Variants in GPC1 observed in about 807,000 individuals in gnomAD.
GPC1 encodes glypican 1.
In GPC1, 26 loss-of-function variants were observed where a neutral mutation model predicts 51.5. The observed-to-expected ratio is 0.50, with a 90% CI of 0.37 to 0.70. The LOEUF (loss-of-function observed/expected upper bound fraction) is 0.70. Ranked by LOEUF, GPC1 falls within the 30% of genes least tolerant of loss-of-function variation. The pLI is 0.00. For synonymous variants in GPC1, 380 were observed against 348.3 expected (o/e 1.09, Z -1.01); for missense variants, 775 against 800.5 (o/e 0.97, Z 0.38).
chr2:240,452,652 C>T (rs1190224854), intron 1 of GPC1, among the ~76,000 whole-genome samples: 1 of 151,860 alleles, frequency 6.6e-6, no homozygotes, highest in South Asian at 2.1e-4. Context: ...GCCTCGGCGG[C>T]GGGCAGGAAG....
chr2:240,466,280 G>A lies in GPC1; in HGVS notation c.1667G>A (p.Arg556Gln), dbSNP rs765222282. ...LFLALTVARP[R>Q]WR ...CTGGCCCTTACAGTAGCCAGGCCCC[G>A]GTGGCGGTAACTGCCCCAAGGCCCC... The change falls in exon 9 of 9, where the codon CGG becomes CAG. Residue 556 changes from arginine (R) to glutamine (Q), a missense_variant. Coordinates refer to ENST00000264039, the MANE Select transcript of GPC1 (RefSeq NM_002081.3). 228 of 1,591,074 alleles carry A rather than the reference G, an allele frequency of 1.4e-4. 2 individuals are homozygous for A. In the Admixed American group the frequency reaches 2.0e-3, roughly 14 times the overall value.
chr2:240,436,727 G>A (rs942209865), intron 1 of GPC1, among the ~76,000 whole-genome samples: 3 of 152,254 alleles, frequency 2.0e-5, no homozygotes, highest in East Asian at 3.9e-4. Flanking sequence ...CCGCCGCCTC[G>A]TAGAGATTCC....
chr2:240,466,426 C>A lies in GPC1; in HGVS notation c.*136C>A. The A allele has an allele frequency of 1.7e-6, 1 of 600,776 alleles. No individual in the cohort carries two copies. Among genetic ancestry groups the A allele is most frequent in the Non-Finnish European group, 3.0e-6 (1 of 334,964 alleles). The allele number at this position is 600,776 out of a possible 1,614,324, so 37.2% of individuals were successfully genotyped here. ...GCCGGCGGCTCTGAGCAGGGGCAGG[C>A]GCAGAGGTCCCAGCCCCAGGCCTGG... On this transcript the variant is annotated 3_prime_UTR_variant, in exon 9 of 9. Transcript: ENST00000264039.
At chr2:240,440,417 G>A (rs1459147473) in intron 1 of GPC1, among the ~76,000 whole-genome samples, 1 of 152,224 alleles carries the variant, frequency 6.6e-6, no homozygotes, top group African/African-American at 2.4e-5. Flanking sequence ...GTAAAGCCAG[G>A]CCAGGCTGCT....
intron 1 of GPC1, among the ~76,000 whole-genome samples, chr2:240,447,727 C>T (rs1274925324): frequency 6.6e-6 from 1 of 152,202 alleles, no homozygotes; most frequent in African/African-American, 2.4e-5. Flanking sequence ...CGCTGTGTAC[C>T]CTGGCAGAAG....
chr2:240,437,367 G>A (rs2073990673), intron 1 of GPC1, among the ~76,000 whole-genome samples: 1 of 151,556 alleles, frequency 6.6e-6, no homozygotes, highest in African/African-American at 2.4e-5. Flanking sequence ...CCCCCAGCCT[G>A]AGGTTCTTGT....
intron 4 of GPC1, chr2:240,464,370 C>T (rs1420903363): frequency 1.4e-5 from 7 of 518,230 alleles, no homozygotes; most frequent in Non-Finnish European, 2.5e-5. Context: ...GCAGAATGGC[C>T]TCTGTGTATG....
Position 240,462,527 on chromosome 2 carries a change from G to A in GPC1, c.662G>A (p.Arg221His), listed in dbSNP as rs764849163. ...GCCACCCGTGCCTTCGTGGCTGCTC[G>A]CTCCTTTGTGCAGGGCCTGGGCGTG... ...LRATRAFVAA[R>H]SFVQGLGVAS... Residue 221 changes from arginine to histidine, a missense_variant, in exon 3 of 9, where the codon CGC becomes CAC. Coordinates refer to ENST00000264039, the MANE Select transcript of GPC1 (RefSeq NM_002081.3). 60 of 1,576,360 alleles carry A rather than the reference G, an allele frequency of 3.8e-5. No individual in the cohort carries two copies. In the Middle Eastern group the frequency reaches 5.3e-4, roughly 14 times the overall value.
intron 1 of GPC1, among the ~76,000 whole-genome samples, chr2:240,444,689 G>T (rs2074038548): frequency 6.6e-6 from 1 of 152,216 alleles, no homozygotes; most frequent in Non-Finnish European, 1.5e-5. Flanking sequence ...TCACAGAGCT[G>T]TGGCCTATGG....
Position 240,463,493 on chromosome 2 carries a change from C to T in GPC1, c.864C>T (p.Ala288=), listed in dbSNP as rs141356183. The T allele has an allele frequency of 1.3e-4, 206 of 1,612,920 alleles. No homozygotes were observed. Among genetic ancestry groups the T allele is most frequent in the Middle Eastern group, 1.7e-4 (1 of 6,060 alleles). Residue 288 remains alanine, a synonymous_variant, in exon 4 of 9, where the codon GCC becomes GCT. Transcript: ENST00000264039. ...TTGCCAACCAGGCCGACCTGGACGC[C>T]GAGTGGAGGAACCTCCTGGGTGAGC... The part of the protein sequence containing the change: ...GCLANQADLD[A]EWRNLLDSMV...
chr2:240,437,915 G>A (rs2073994100), intron 1 of GPC1, among the ~76,000 whole-genome samples: 2 of 152,260 alleles, frequency 1.3e-5, no homozygotes, highest in South Asian at 4.1e-4. Context: ...ATCTCCCAAG[G>A]GTGAGAAGAG....
At chr2:240,454,545 C>T (rs1013821367) in intron 1 of GPC1, among the ~76,000 whole-genome samples, 3 of 152,200 alleles carry the variant, frequency 2.0e-5, no homozygotes, top group Admixed American at 1.3e-4. Flanking sequence ...AGGGCAGGAG[C>T]GGGGAGGCCT....
chr2:240,448,616 G>T lies in GPC1; in HGVS notation c.167-10414G>T, dbSNP rs1391605441. ...CCAGGACCCGCAGGGCCCACAGGAGGTCGAGGTCGGAGCTCACCTTTGGGG... is the reference window on the plus strand; with the variant it reads ...CCAGGACCCGCAGGGCCCACAGGAGTTCGAGGTCGGAGCTCACCTTTGGGG... On this transcript the variant is annotated intron_variant, in intron 1 of 8. Transcript: ENST00000264039. The surrounding 1 kb of genome is among the most constrained non-coding windows in gnomAD (Gnocchi z 4.5). Among the ~76,000 whole-genome samples, 2 of 67,128 alleles carry T rather than the reference G, an allele frequency of 3.0e-5. No individual in the cohort carries two copies. Among genetic ancestry groups the T allele is most frequent in the Non-Finnish European group, 6.4e-5 (2 of 31,172 alleles). 44.0% of individuals were successfully genotyped at this position (67,128 alleles called of 152,430 possible).
rs138318645 is a variant in GPC1 at position 240,464,655 on chromosome 2, C to T, written c.923C>T (p.Ser308Leu). Reference protein sequence around the residue: ...VLITDKFWGTSGVESVIGSVH... With the variant: ...VLITDKFWGTLGVESVIGSVH... Reference sequence around the variant, plus strand: ...ATCACCGACAAGTTCTGGGGTACATCGGGTGTGGAGAGTGTCATCGGCAGC... The same window carrying T: ...ATCACCGACAAGTTCTGGGGTACATTGGGTGTGGAGAGTGTCATCGGCAGC... The change falls in exon 5 of 9, where the codon TCG becomes TTG. Residue 308 changes from serine (S) to leucine (L), a missense_variant. Coordinates refer to ENST00000264039, the MANE Select transcript of GPC1 (RefSeq NM_002081.3). 6.8e-5 allele frequency: 109 copies of T among 1,613,078 alleles called. No homozygotes were observed. In the African/African-American group the frequency reaches 1.0e-3, roughly 15 times the overall value.
rs1042884632 is a variant in GPC1, at chr2:240,449,023, G to A, written c.167-10007G>A. The stretch of plus-strand genomic sequence containing the variant: ...CCTTAGGGAGAAGTCTGAGACCTGG[G>A]GGGGAAGCCACCTAACCTCCGTGAG... On this transcript the variant is annotated intron_variant, in intron 1 of 8. Transcript: ENST00000264039. 5.0e-4 allele frequency among the ~76,000 whole-genome samples: 76 copies of A among 152,128 alleles called. 1 individual carries two copies. The highest frequency in any genetic ancestry group is 4.8e-3 in the Admixed American group (73 of 15,276).
In GPC1 at chr2:240,435,925, C is replaced by T. The variant is rs2073980276; in HGVS notation, c.7C>T (p.Leu3Phe). The T allele has an allele frequency of 8.0e-7, 1 of 1,257,338 alleles. No homozygotes were observed. The highest frequency in any genetic ancestry group is 1.0e-6 in the Non-Finnish European group (1 of 1,001,372). 77.9% of individuals were successfully genotyped at this position (1,257,338 alleles called of 1,614,324 possible). A position where few individuals can be genotyped will look rare whatever the true frequency, so the allele number is the denominator to read the frequency against. ME[L>F]RARGWWLLCA... The stretch of plus-strand genomic sequence containing the variant: ...GGGCGCCGCCGGCCCCGCCATGGAG[C>T]TCCGGGCCCGAGGCTGGTGGCTGCT... Residue 3 changes from leucine (L) to phenylalanine (F), a missense_variant, in exon 1 of 9, where the codon CTC (leucine) becomes TTC (phenylalanine). Physicochemically the swap from Leu to Phe is conservative, Grantham distance 22. Coordinates refer to ENST00000264039, the MANE Select transcript of GPC1 (RefSeq NM_002081.3).
intron 1 of GPC1, among the ~76,000 whole-genome samples, chr2:240,445,136 A>G (rs920221064): frequency 1.3e-5 from 2 of 152,274 alleles, no homozygotes; most frequent in South Asian, 2.1e-4. Context: ...TGTACACAGA[A>G]CACTGCTCAG....
intron 1 of GPC1, chr2:240,452,773 G>T (rs1389147637): frequency 6.7e-6 from 1 of 149,242 alleles, no homozygotes; most frequent in South Asian, 2.1e-4. Flanking sequence ...GCGGGAGGAC[G>T]CTCGTCCCCG....
chr2:240,447,210 A>T (rs1489806203), intron 1 of GPC1, among the ~76,000 whole-genome samples: 2 of 152,094 alleles, frequency 1.3e-5, no homozygotes, highest in Admixed American at 1.3e-4. Context: ...TCTGAGTCGA[A>T]ATTGAGGTGT....
Sources: gnomAD v4.1 joint callset for allele counts (sites outside exome capture counted in the v4.1 genomes callset) on GRCh38, gnomAD v4.1.1 for gene constraint, Gnocchi (gnomAD v3.1) non-coding constraint, MANE v1.5 for transcripts, NCBI Gene and HGNC (gene_info 2026-07-23, HGNC 2026-07-21) for gene names.